Variants in NKAIN2 observed in about 807,000 individuals in gnomAD.
The protein encoded by NKAIN2 is sodium/potassium-transporting ATPase subunit beta-1-interacting protein 2.
Under a neutral mutation model 32.6 loss-of-function variants are expected in NKAIN2, and 14 were observed. That is an observed-to-expected ratio of 0.43 (90% CI 0.28 to 0.67). The LOEUF is 0.67. NKAIN2 is among the 30% of genes least tolerant of loss of function. The probability of loss-of-function intolerance (pLI) is 0.17; values close to 1 mark genes in which losing one functional copy is unlikely to be tolerated. For missense variants in NKAIN2, 198 were observed against 258.3 expected (o/e 0.77, Z 1.60); for synonymous variants, 80 against 87.2 (o/e 0.92, Z 0.46).
intron 1 of NKAIN2, among the ~76,000 whole-genome samples, chr6:124,094,888 G>C (rs1273370688): frequency 6.6e-6 from 1 of 152,086 alleles, no homozygotes; most frequent in East Asian, 1.9e-4. Flanking sequence ...TTATGTGAAA[G>C]TTTAAGATTC....
chr6:124,726,939 C>G (rs1429209396), intron 4 of NKAIN2, among the ~76,000 whole-genome samples: 3 of 133,484 alleles, frequency 2.2e-5, no homozygotes, highest in South Asian at 5.2e-4. Context: ...ATGCAATCAA[C>G]TGGAAGAAAG....
intron 1 of NKAIN2, among the ~76,000 whole-genome samples, chr6:123,914,139 G>A (rs1013744983): frequency 6.6e-6 from 1 of 152,076 alleles, no homozygotes; most frequent in Non-Finnish European, 1.5e-5. Context: ...GGTTAGTCTG[G>A]TGAGGGCCCT....
chr6:124,376,264 G>A (rs1001786035), intron 3 of NKAIN2, among the ~76,000 whole-genome samples: 21 of 152,116 alleles, frequency 1.4e-4, no homozygotes, highest in Non-Finnish European at 1.5e-5. Flanking sequence ...TCATCCAAGT[G>A]TGATTAAATG....
At chr6:123,992,618 G>A (rs1219603496) in intron 1 of NKAIN2, among the ~76,000 whole-genome samples, 2 of 152,002 alleles carry the variant, frequency 1.3e-5, no homozygotes, top group African/African-American at 2.4e-5. Flanking sequence ...GAATTTGAAG[G>A]GACAAGATAT....
In NKAIN2 at chr6:124,823,770, T is replaced by C. The variant is rs1464994773; in HGVS notation, c.*541T>C. Reference sequence around the variant, plus strand: ...ATGGCAGATTGTTTGCCCTAAAGGCTGTACCGTACATACTTGCCTTAACCC... The same window carrying C: ...ATGGCAGATTGTTTGCCCTAAAGGCCGTACCGTACATACTTGCCTTAACCC... On this transcript the variant is annotated 3_prime_UTR_variant, in exon 7 of 7. Coordinates refer to ENST00000368417, the MANE Select transcript of NKAIN2 (RefSeq NM_001040214.3). The C allele has an allele frequency of 6.3e-6, 1 of 157,770 alleles. No individual in the cohort carries two copies. The highest frequency in any genetic ancestry group is 1.4e-5 in the Non-Finnish European group (1 of 71,062). The allele number at this position is 157,770 out of a possible 1,614,324, so 9.8% of individuals were successfully genotyped here.
chr6:124,548,870 G>A (rs905593656), intron 3 of NKAIN2, among the ~76,000 whole-genome samples: 13 of 152,142 alleles, frequency 8.5e-5, no homozygotes, highest in African/African-American at 2.9e-4. Flanking sequence ...AGAGGTGGAG[G>A]TAGATTAGGA....
intron 4 of NKAIN2, among the ~76,000 whole-genome samples, chr6:124,756,095 A>G (rs755886591): frequency 6.6e-5 from 10 of 152,148 alleles, no homozygotes; most frequent in Non-Finnish European, 1.0e-4. Flanking sequence ...GAACTCATTT[A>G]TGCCTGTCTT....
chr6:124,053,960 G>C (rs967320744), intron 1 of NKAIN2, among the ~76,000 whole-genome samples: 4 of 152,030 alleles, frequency 2.6e-5, no homozygotes, highest in African/African-American at 9.7e-5. Context: ...AGATGGTACA[G>C]TCTATGAGTA....
chr6:124,644,505 A>G (rs1475536573), intron 3 of NKAIN2, among the ~76,000 whole-genome samples: 1 of 151,856 alleles, frequency 6.6e-6, no homozygotes, highest in Non-Finnish European at 1.5e-5. Flanking sequence ...CCCGGGTTCA[A>G]GCGATTCTCC....
At position 124,093,268 on chromosome 6, in the gene NKAIN2, G is replaced by T. The variant is rs61590455; in HGVS notation, c.55-189737G>T. ...GAAATGTGACTCCTCTGCAGTTACGGAGAATCAGTTTATTGTTGTAATCAT... is the reference window on the plus strand; with the variant it reads ...GAAATGTGACTCCTCTGCAGTTACGTAGAATCAGTTTATTGTTGTAATCAT... On this transcript the variant is annotated intron_variant, in intron 1 of 6. Transcript: ENST00000368417. Among the ~76,000 whole-genome samples the T allele has an allele frequency of 9.8e-3, 1,495 of 152,176 alleles. 18 individuals are homozygous for T. The highest frequency in any genetic ancestry group is 0.034 in the African/African-American group (1,427 of 41,548).
At position 124,262,059 on chromosome 6, in the gene NKAIN2, T is replaced by C. The variant is rs145632916; in HGVS notation, c.55-20946T>C. ...CCATCTCTTTGAGGGCAGAGCCAGG[T>C]GTTATTCACACCTGTTTATGACCAC... On this transcript the variant is annotated intron_variant, in intron 1 of 6. Coordinates refer to ENST00000368417, the MANE Select transcript of NKAIN2 (RefSeq NM_001040214.3). 1.5e-3 allele frequency among the ~76,000 whole-genome samples: 234 copies of C among 152,108 alleles called. 2 individuals are homozygous for C. Among genetic ancestry groups the C allele is most frequent in the African/African-American group, 5.4e-3 (225 of 41,508 alleles).
At chr6:124,119,276 T>C (rs1785760462) in intron 1 of NKAIN2, among the ~76,000 whole-genome samples, 1 of 152,162 alleles carries the variant, frequency 6.6e-6, no homozygotes. Flanking sequence ...TTGCCCCAAA[T>C]TCTGCATTCT....
chr6:123,973,738 G>C (rs1255527128), intron 1 of NKAIN2, among the ~76,000 whole-genome samples: 1 of 152,096 alleles, frequency 6.6e-6, no homozygotes, highest in Non-Finnish European at 1.5e-5. Context: ...AAATCGTGTA[G>C]TTGTTTCACC....
At chr6:124,197,168 A>G (rs1342959877) in intron 1 of NKAIN2, among the ~76,000 whole-genome samples, 1 of 151,884 alleles carries the variant, frequency 6.6e-6, no homozygotes, top group African/African-American at 2.4e-5. Flanking sequence ...TGCTATTTCC[A>G]TCTTTTATTT....
At chr6:124,816,652 G>A (rs560112755) in intron 5 of NKAIN2, among the ~76,000 whole-genome samples, 30 of 152,182 alleles carry the variant, frequency 2.0e-4, no homozygotes, top group African/African-American at 6.7e-4. Flanking sequence ...CAGACATCAC[G>A]GACTTTATGT....
intron 4 of NKAIN2, among the ~76,000 whole-genome samples, chr6:124,761,391 ACTT>A (rs999050318): frequency 2.6e-5 from 4 of 151,970 alleles, no homozygotes; most frequent in African/African-American, 9.7e-5. Context: ...TTTCCTTTTA[ACTT>A]CTTATTATCT....
intron 4 of NKAIN2, among the ~76,000 whole-genome samples, chr6:124,706,525 G>C (rs976569061): frequency 2.0e-5 from 3 of 152,082 alleles, no homozygotes; most frequent in Non-Finnish European, 4.4e-5. Context: ...ATTGAATCAA[G>C]TCCAGGCAGA....
chr6:123,954,094 C>A (rs900051352), intron 1 of NKAIN2, among the ~76,000 whole-genome samples: 3 of 152,210 alleles, frequency 2.0e-5, no homozygotes, highest in African/African-American at 2.4e-5. Context: ...ACCTTGGAGG[C>A]AGCAGCCAGC....
intron 4 of NKAIN2, among the ~76,000 whole-genome samples, chr6:124,780,183 G>A (rs897535628): frequency 2.6e-5 from 4 of 152,178 alleles, no homozygotes; most frequent in African/African-American, 7.2e-5. Context: ...GGTGGTGTAA[G>A]GGTTGGGAGA....
Sources: allele counts gnomAD v4.1 joint callset (sites outside exome capture counted in the v4.1 genomes callset), GRCh38; gene constraint gnomAD v4.1.1; transcripts MANE v1.5; gene names NCBI Gene and HGNC (gene_info 2026-07-23, HGNC 2026-07-21).